C5: variants seen among roughly 807,000 people sequenced by gnomAD.
C5 encodes the protein complement C5, also known as C3 and PZP-like alpha-2-macroglobulin domain-containing protein 4.
C5 carries 140 observed loss-of-function variants against 218.8 expected under a neutral mutation model. The observed-to-expected ratio is 0.64, with a 90% CI of 0.56 to 0.74. The LOEUF (loss-of-function observed/expected upper bound fraction) is 0.74, where lower values mean the gene tolerates loss of function less well. C5 is among the 30% of genes least tolerant of loss of function. The probability of loss-of-function intolerance (pLI) is 0.00; values close to 1 mark genes in which losing one functional copy is unlikely to be tolerated. For synonymous variants in C5, 614 were observed against 682.3 expected, an observed-to-expected ratio of 0.90 and a Z score of 1.56; for missense variants, 1,700 against 1,969.6, an observed-to-expected ratio of 0.86 and a Z score of 2.59.
At chr9:121,043,296 G>A in intron 2 of C5, 130 bp from the exon 3 acceptor site, 1 of 764,614 alleles carries the variant, frequency 1.3e-6, no homozygotes, top group Non-Finnish European at 2.1e-6. Context: ...AAGTGATACA[G>A]GAGCAAGAAG....
intron 20 of C5, among the ~76,000 whole-genome samples, chr9:121,004,517 T>G (rs1185749065): frequency 6.6e-6 from 1 of 152,198 alleles, no homozygotes; most frequent in East Asian, 1.9e-4. Context: ...CTCATGCTTG[T>G]AATCCCAGTA....
At chr9:121,061,796 T>A in the C5 span, among the ~76,000 whole-genome samples, 1 of 152,240 alleles carries the variant, frequency 6.6e-6, no homozygotes, top group Non-Finnish European at 1.5e-5. Flanking sequence ...TATATTCCAT[T>A]CTTCCCAGAA....
At chr9:121,055,169 T>A (rs2047692183), upstream of C5, among the ~76,000 whole-genome samples, 1 of 151,986 alleles carries the variant, frequency 6.6e-6, no homozygotes, top group Non-Finnish European at 1.5e-5. Flanking sequence ...CGCCTGTAAC[T>A]CTTTTCTCCT....
rs1270169239 is a variant in C5 at position 121,016,340 on chromosome 9, C to A, written c.1910G>T (p.Gly637Val). ...LEKSDLGCGA[G>V]GGLNNANVFH... ...CACATTGGCATTGTTGAGGCCACCACCTGCCCCACAGCCCAGATCACTCTT... is the reference window on the plus strand; with the variant it reads ...CACATTGGCATTGTTGAGGCCACCAACTGCCCCACAGCCCAGATCACTCTT... The change falls in exon 15 of 41, where the codon GGT (glycine) becomes GTT (valine). Residue 637 changes from glycine to valine, a missense_variant. Physicochemically the swap from Gly to Val is moderately radical, Grantham distance 109. Transcript: ENST00000223642. 6.2e-7 allele frequency: 1 copy of A among 1,613,966 alleles called. No individual in the cohort carries two copies. Among genetic ancestry groups the A allele is most frequent in the Non-Finnish European group, 8.5e-7 (1 of 1,179,978 alleles).
chr9:121,068,739 C>T, the C5 span, among the ~76,000 whole-genome samples: 5 of 152,158 alleles, frequency 3.3e-5, no homozygotes, highest in African/African-American at 1.2e-4. Flanking sequence ...TACTACAAAG[C>T]TGTAGTAACC....
At chr9:120,963,117 A>C (rs1052687831) in intron 34 of C5, 150 bp from the exon 35 acceptor site, 1 of 705,088 alleles carries the variant, frequency 1.4e-6, no homozygotes, top group Non-Finnish European at 2.5e-6. Flanking sequence ...AAGTCTGAAC[A>C]CATTAGCATA....
At position 121,027,192 on chromosome 9, in the gene C5, C is replaced by G; in HGVS notation, c.841G>C (p.Glu281Gln). The part of the protein sequence containing the change: ...IREDLKDDQK[E>Q]MMQTAMQNTM... ...TTTTGCATTGCTGTTTGCATCATTT[C>G]TTTTTGATCATCTTTTAAGTCTTCT... Residue 281 changes from glutamate to glutamine, a missense_variant, in exon 8 of 41, where the codon GAA becomes CAA. Physicochemically the swap from Glu to Gln is conservative, Grantham distance 29. Transcript: ENST00000223642. The G allele has an allele frequency of 1.9e-6, 3 of 1,598,934 alleles. No individual in the cohort carries two copies. The highest frequency in any genetic ancestry group is 2.6e-6 in the Non-Finnish European group (3 of 1,168,434).
chr9:120,977,048 G>A (rs2046958928), intron 28 of C5, 143 bp from the exon 29 acceptor site: 2 of 709,784 alleles, frequency 2.8e-6, no homozygotes, highest in South Asian at 1.6e-5. Flanking sequence ...GATGACCAAT[G>A]CAAAACGAGA....
At chr9:121,048,308 T>C (rs6478495) in intron 1 of C5, among the ~76,000 whole-genome samples, 114,109 of 152,136 alleles carry the variant, frequency 0.75, 43,187 homozygotes, top group East Asian at 0.96. Flanking sequence ...GGAACCAGGC[T>C]ACACAGCAGG....
chr9:121,070,411 ATATATATATATATATG>A, the C5 span, among the ~76,000 whole-genome samples: 23 of 103,194 alleles, frequency 2.2e-4, no homozygotes, highest in Non-Finnish European at 3.9e-4. Flanking sequence ...ATATATATAT[ATATATATATATATATG>A]TATGTATATT....
At chr9:120,969,009 A>G in intron 33 of C5, 52 bp downstream of exon 33, 1 of 1,455,722 alleles carries the variant, frequency 6.9e-7, no homozygotes, top group Non-Finnish European at 9.7e-7. Context: ...ACAATACGTT[A>G]ACAAAAATGA....
intron 26 of C5, 129 bp from the exon 27 acceptor site, chr9:120,982,068 A>G: frequency 1.4e-6 from 1 of 714,980 alleles, no homozygotes; most frequent in South Asian, 1.5e-5. Context: ...CTGGAGTGCA[A>G]TGGCTTGATC....
At position 120,980,262 on chromosome 9, in the gene C5, CAA is replaced by C. The variant is rs2046982322; in HGVS notation, c.3487-10_3487-9del. 2 of 1,613,550 alleles carry C rather than the reference CAA, an allele frequency of 1.2e-6. No individual in the cohort carries two copies. The highest frequency in any genetic ancestry group is 2.2e-5 in the East Asian group (1 of 44,890). The stretch of plus-strand genomic sequence containing the variant: ...TAGAGCTGTGTCGATTTTCTGGAAA[CAA>C]GAGAAGATACTTCAGTTTCTATGTC... On this transcript the variant is annotated splice_polypyrimidine_tract_variant and intron_variant, in intron 27 of 40. Transcript: ENST00000223642.
At chr9:120,973,514 C>A (rs556738388) in intron 30 of C5, among the ~76,000 whole-genome samples, 1 of 152,300 alleles carries the variant, frequency 6.6e-6, no homozygotes, top group African/African-American at 2.4e-5. Flanking sequence ...AGAAGCCATG[C>A]CAATGCCTGG....
the C5 span, among the ~76,000 whole-genome samples, chr9:121,055,731 A>G: frequency 6.6e-6 from 1 of 152,162 alleles, no homozygotes; most frequent in African/African-American, 2.4e-5. Flanking sequence ...CATTAGCTGC[A>G]GGCATAACCA....
At chr9:121,004,983 T>TA (rs41309886) in intron 20 of C5, among the ~76,000 whole-genome samples, 118,827 of 150,070 alleles carry the variant, frequency 0.79, 47,045 homozygotes, top group East Asian at 0.81. Flanking sequence ...GACTCCGTCT[T>TA]AAAAAAAAAA....
Position 121,001,519 on chromosome 9 carries a change from C to T in C5, c.2563-3745G>A, listed in dbSNP as rs563662752. Among the ~76,000 whole-genome samples, 84 of 152,046 alleles carry T rather than the reference C, an allele frequency of 5.5e-4. No homozygotes were observed. In the South Asian group the frequency reaches 0.012, roughly 21 times the overall value. Reference sequence around the variant, plus strand: ...GTGTATTAACAAACAATATATAGCGCGGTCTTTCATGTTTTTAAATATTAT... The same window carrying T: ...GTGTATTAACAAACAATATATAGCGTGGTCTTTCATGTTTTTAAATATTAT... On this transcript the variant is annotated intron_variant, in intron 20 of 40. Transcript: ENST00000223642.
intron 20 of C5, among the ~76,000 whole-genome samples, chr9:121,002,240 ATATGTATATATATG>A (rs1379001101): frequency 5.1e-4 from 27 of 52,856 alleles, no homozygotes; most frequent in South Asian, 2.5e-3. Context: ...GTATATATGT[ATATGTATATATATG>A]TATATATGTA....
Position 121,046,383 on chromosome 9 carries a change from T to A in C5, c.66A>T (p.Thr22=), listed in dbSNP as rs777563958. 2 of 1,608,114 alleles carry A rather than the reference T, an allele frequency of 1.2e-6. No individual in the cohort carries two copies. The highest frequency in any genetic ancestry group is 8.5e-7 in the Non-Finnish European group (1 of 1,174,894). ...ATATTTTTGGTGCTGAAATGACATA[T>A]CTGTTGAAAAAGGAAAAGATAAGGC... The part of the protein sequence containing the change: ...FLGKTWGQEQ[T]YVISAPKIFR... Residue 22 remains threonine (T), a splice_region_variant and synonymous_variant, in exon 2 of 41, where the codon ACA becomes ACT. Coordinates refer to ENST00000223642, the MANE Select transcript of C5 (RefSeq NM_001735.3).
Sources: allele counts gnomAD v4.1 joint callset (sites outside exome capture counted in the v4.1 genomes callset), GRCh38; gene constraint gnomAD v4.1.1; transcripts MANE v1.5; gene names NCBI Gene and HGNC (gene_info 2026-07-23, HGNC 2026-07-21).